GPHN: variants seen among roughly 807,000 people sequenced by gnomAD.
The protein encoded by GPHN is gephyrin.
In GPHN, 17 loss-of-function variants were observed where a neutral mutation model predicts 95.5. The observed-to-expected ratio is 0.18, with a 90% CI of 0.12 to 0.27. The LOEUF (loss-of-function observed/expected upper bound fraction) is 0.27. Among genes scored for constraint, GPHN ranks in the 10% least tolerant of loss-of-function variants. The pLI is 1.00. For synonymous variants in GPHN, 320 were observed against 322.5 expected (o/e 0.99, Z 0.08); for missense variants, 660 against 978.1 (o/e 0.67, Z 4.34).
At chr14:67,151,220 A>T (rs2081268386) in intron 18 of GPHN, among the ~76,000 whole-genome samples, 1 of 152,244 alleles carries the variant, frequency 6.6e-6, no homozygotes. Context: ...AGTTCTACTT[A>T]CAACTTGAGC....
At chr14:67,577,641 T>A in the GPHN span, among the ~76,000 whole-genome samples, 1 of 152,168 alleles carries the variant, frequency 6.6e-6, no homozygotes, top group Non-Finnish European at 1.5e-5. Flanking sequence ...ATGAAAACTC[T>A]CCCTGGAGGA....
chr14:67,672,850 G>A, the GPHN span, among the ~76,000 whole-genome samples: 1 of 152,098 alleles, frequency 6.6e-6, no homozygotes, highest in Non-Finnish European at 1.5e-5. Context: ...TTTCACCATG[G>A]TCCACAAGGC....
At chr14:67,385,932 C>G in the GPHN span, 2 of 152,072 alleles carry the variant, frequency 1.3e-5, no homozygotes, top group African/African-American at 4.8e-5. Context: ...ACTTTTACAC[C>G]AAGAACAAAA....
the GPHN span, chr14:67,384,524 T>C: frequency 2.6e-5 from 4 of 152,162 alleles, no homozygotes; most frequent in African/African-American, 9.7e-5. Context: ...ATAAATTTAT[T>C]CTCTTATGAT....
At chr14:67,376,982 T>C in the GPHN span, among the ~76,000 whole-genome samples, 5 of 152,324 alleles carry the variant, frequency 3.3e-5, no homozygotes, top group South Asian at 8.3e-4. Flanking sequence ...CGGGATTTGC[T>C]CTGCCACTAA....
At chr14:67,342,725 CAT>C in the GPHN span, among the ~76,000 whole-genome samples, 1 of 150,426 alleles carries the variant, frequency 6.6e-6, no homozygotes, top group African/African-American at 2.4e-5. Context: ...GTTAATATAT[CAT>C]ATTATACATA....
the GPHN span, chr14:67,619,678 C>T: frequency 3.4e-6 from 1 of 296,444 alleles, no homozygotes; most frequent in African/African-American, 2.2e-5. Context: ...CTGGCCAGAC[C>T]CGGATATTGG....
chr14:67,227,237 C>T, the GPHN span, among the ~76,000 whole-genome samples: 1 of 151,584 alleles, frequency 6.6e-6, no homozygotes. Flanking sequence ...GTCAGGAGTT[C>T]GAGACCAGCC....
chr14:67,312,531 A>G, the GPHN span: 1 of 1,577,358 alleles, frequency 6.3e-7, no homozygotes, highest in Non-Finnish European at 8.6e-7. Flanking sequence ...TTTTAGATCC[A>G]TGTAAAAGCT....
At chr14:67,106,559 ATTCT>A (rs2078050461) in intron 13 of GPHN, among the ~76,000 whole-genome samples, 1 of 152,088 alleles carries the variant, frequency 6.6e-6, no homozygotes, top group South Asian at 2.1e-4. Flanking sequence ...CAGTTCAAAG[ATTCT>A]TTCTTCTGCT....
the GPHN span, among the ~76,000 whole-genome samples, chr14:67,477,629 T>C: frequency 1.3e-5 from 2 of 152,152 alleles, no homozygotes; most frequent in African/African-American, 2.4e-5. Context: ...ACTCCTTTCC[T>C]AAATCAAACC....
chr14:66,967,160 CAAAGAT>C (rs912539607), intron 9 of GPHN, among the ~76,000 whole-genome samples: 47 of 151,730 alleles, frequency 3.1e-4, no homozygotes, highest in African/African-American at 1.1e-3. Context: ...ATGTATACCT[CAAAGAT>C]AAAGTTATCA....
intron 4 of GPHN, among the ~76,000 whole-genome samples, chr14:66,874,713 G>C (rs2063577718): frequency 6.6e-6 from 1 of 152,096 alleles, no homozygotes. Context: ...AAAGAAAAAA[G>C]AATGAAAAGG....
the GPHN span, among the ~76,000 whole-genome samples, chr14:67,617,858 T>A: frequency 6.6e-6 from 1 of 152,172 alleles, no homozygotes; most frequent in African/African-American, 2.4e-5. Context: ...GTAGTTGGGA[T>A]TACAGGTGCC....
At chr14:66,554,306 A>G (rs2059929477) in intron 1 of GPHN, among the ~76,000 whole-genome samples, 1 of 152,236 alleles carries the variant, frequency 6.6e-6, no homozygotes, top group South Asian at 2.1e-4. Flanking sequence ...TAAATTGAGT[A>G]TAAGTGGCAG....
chr14:66,647,320 A>G (rs2064808059), intron 1 of GPHN, among the ~76,000 whole-genome samples: 1 of 150,962 alleles, frequency 6.6e-6, no homozygotes, highest in Admixed American at 6.7e-5. Flanking sequence ...AAAATTTAAA[A>G]TCCTTTTAAA....
At chr14:66,665,110 A>G (rs899708877) in intron 1 of GPHN, among the ~76,000 whole-genome samples, 5 of 152,004 alleles carry the variant, frequency 3.3e-5, no homozygotes, top group African/African-American at 1.2e-4. Flanking sequence ...TGAAGAGGAG[A>G]AACTCCTCCC....
chr14:67,600,076 G>A, the GPHN span: 5 of 1,593,092 alleles, frequency 3.1e-6, no homozygotes, highest in South Asian at 1.1e-5. Context: ...GCAGGTGACA[G>A]CGGTGAGCGA....
At chr14:66,757,091 C>A (rs899204457) in intron 2 of GPHN, among the ~76,000 whole-genome samples, 4 of 152,000 alleles carry the variant, frequency 2.6e-5, no homozygotes, top group Non-Finnish European at 5.9e-5. Flanking sequence ...TTGTGTAGAG[C>A]AAGATACTTT....
Sources: allele counts gnomAD v4.1 joint callset (sites outside exome capture counted in the v4.1 genomes callset), GRCh38; gene constraint gnomAD v4.1.1; transcripts MANE v1.5; gene names NCBI Gene and HGNC (gene_info 2026-07-23, HGNC 2026-07-21).